The following CDCP2 variants were observed in gnomAD, a reference collection of about 807,000 sequenced individuals.
CDCP2 encodes CUB domain-containing protein 2.
A neutral mutation model predicts 31.0 loss-of-function variants in CDCP2; 31 were observed. The observed-to-expected ratio is 1.00, with a 90% CI of 0.75 to 1.35. CDCP2 has a LOEUF of 1.35. CDCP2 is among the 40% of genes most tolerant of loss of function. The probability of loss-of-function intolerance (pLI) is 0.00; values close to 1 mark genes in which losing one functional copy is unlikely to be tolerated. For missense variants in CDCP2, 443 were observed against 482.6 expected (o/e 0.92, Z 0.77); for synonymous variants, 206 against 207.9 (o/e 0.99, Z 0.08).
chr1:54,139,399 C>T (rs1281056984), intron 4 of CDCP2: 30 of 782,664 alleles, frequency 3.8e-5, no homozygotes, highest in Non-Finnish European at 6.1e-5. Flanking sequence ...ATTTTTTTGC[C>T]ATAAACAATA....
At chr1:54,145,353 G>A (rs1659449397) in intron 1 of CDCP2, among the ~76,000 whole-genome samples, 1 of 152,190 alleles carries the variant, frequency 6.6e-6, no homozygotes, top group Non-Finnish European at 1.5e-5. Context: ...TTGCACCCGG[G>A]AGGCGGAGGT....
chr1:54,147,952 C>T (rs1659504351), intron 1 of CDCP2, among the ~76,000 whole-genome samples: 1 of 149,064 alleles, frequency 6.7e-6, no homozygotes, highest in African/African-American at 2.5e-5. Context: ...GTCAAGGCTA[C>T]AGTGACCCAT....
Position 54,145,051 on chromosome 1 carries a change from GAAACA to G in CDCP2, c.80-243_80-239del, listed in dbSNP as rs576980808. On this transcript the variant is annotated intron_variant, in intron 1 of 5. Coordinates refer to ENST00000530059, the Ensembl canonical transcript of CDCP2. ...TGTTCTAGGTGCTGGGGTCACAGCA[GAAACA>G]AAACAGACAAAACCCCTACCCTCAT... Among the ~76,000 whole-genome samples the G allele has an allele frequency of 4.6e-5, 7 of 152,302 alleles. No individual in the cohort carries two copies. The South Asian group carries it at 1.5e-3, about 32-fold the overall frequency.
chr1:54,134,081 C>G (rs1452663957), intron 5 of CDCP2, among the ~76,000 whole-genome samples: 1 of 152,086 alleles, frequency 6.6e-6, no homozygotes, highest in Non-Finnish European at 1.5e-5. Flanking sequence ...GAATATAGAA[C>G]CAAAGGGGGC....
intron 5 of CDCP2, among the ~76,000 whole-genome samples, chr1:54,134,796 C>T (rs1016898189): frequency 6.6e-6 from 1 of 151,794 alleles, no homozygotes; most frequent in African/African-American, 2.4e-5. Context: ...AGTGTAGTGG[C>T]ATGATCTTGG....
intron 5 of CDCP2, 69 bp from the exon 6 acceptor site, chr1:54,133,363 G>C: frequency 2.5e-6 from 1 of 398,258 alleles, no homozygotes; most frequent in East Asian, 3.6e-5. Context: ...TATATATGTG[G>C]GGTTCTCAGT....
chr1:54,152,725 A>G, intron 1 of CDCP2, 119 bp downstream of exon 1: 1 of 847,438 alleles, frequency 1.2e-6, no homozygotes, highest in South Asian at 1.7e-5. Flanking sequence ...CAACTCAGCC[A>G]CGTCCCCTAA....
exon 2 of CDCP2, chr1:54,144,486 A>G: frequency 6.3e-7 from 1 of 1,580,736 alleles, no homozygotes; most frequent in Non-Finnish European, 8.6e-7. Flanking sequence ...GCCCGCAGAA[A>G]AGCCATGGCT....
chr1:54,152,796 G>T, intron 1 of CDCP2, 48 bp downstream of exon 1: 1 of 1,552,594 alleles, frequency 6.4e-7, no homozygotes. Flanking sequence ...GCTGTTGCCT[G>T]CCCACCTCCT....
Position 54,141,442 on chromosome 1 carries a change from G to A in CDCP2, c.428-9C>T. ...GACGCCGCCACACACATCTGCAAGG[G>A]AGCCCACTTGAGCTGACCTTTCTTT... On this transcript the variant is annotated splice_polypyrimidine_tract_variant and intron_variant, in intron 2 of 5. Coordinates refer to ENST00000530059, the Ensembl canonical transcript of CDCP2. 1.3e-6 allele frequency: 2 copies of A among 1,573,870 alleles called. No homozygotes were observed. Among genetic ancestry groups the A allele is most frequent in the Non-Finnish European group, 1.7e-6 (2 of 1,158,806 alleles).
chr1:54,139,526 G>A, intron 4 of CDCP2: 1 of 1,612,966 alleles, frequency 6.2e-7, no homozygotes, highest in Non-Finnish European at 8.5e-7. Flanking sequence ...GAAGTTAGAA[G>A]CTGGGGAAGG....
chr1:54,137,689 G>C (rs1659281749), intron 4 of CDCP2: 1 of 140,724 alleles, frequency 7.1e-6, no homozygotes, highest in African/African-American at 2.6e-5. Flanking sequence ...GTGTGCGTGT[G>C]TGTGTGTGTG....
exon 4 of CDCP2, chr1:54,139,784 G>T: frequency 6.2e-7 from 1 of 1,614,246 alleles, no homozygotes; most frequent in South Asian, 1.1e-5. Flanking sequence ...AGCCCCTGCG[G>T]GTGGTGCTGC....
chr1:54,141,063 A>C lies in CDCP2; in HGVS notation c.763+35T>G, dbSNP rs757493061. ...GGGGAGACAGGAGCCCAGTAGGCAC[A>C]GGAGGATTCAGGGTGGAGCGCCAGC... is the stretch of plus-strand genomic sequence containing the variant. On this transcript the variant is annotated intron_variant, in intron 3 of 5. Transcript: ENST00000530059. The C allele has an allele frequency of 2.0e-6, 3 of 1,496,858 alleles. No homozygotes were observed. In the African/African-American group the frequency reaches 4.2e-5, roughly 21 times the overall value. 92.7% of individuals were successfully genotyped at this position (1,496,858 alleles called of 1,614,324 possible).
intron 1 of CDCP2, among the ~76,000 whole-genome samples, chr1:54,148,362 GA>G (rs1226140533): frequency 1.7e-5 from 2 of 118,528 alleles, no homozygotes; most frequent in African/African-American, 3.3e-5. Flanking sequence ...TAAAAAAAAA[GA>G]AAAAAAGAAA....
intron 4 of CDCP2, chr1:54,139,491 C>CTGGGG (rs1344075312): frequency 1.2e-5 from 19 of 1,576,516 alleles, no homozygotes; most frequent in Non-Finnish European, 1.6e-5. Context: ...GGGAAGGAAC[C>CTGGGG]AGATGGGGAG....
chr1:54,152,417 T>A (rs547222730), intron 1 of CDCP2, among the ~76,000 whole-genome samples: 1 of 149,032 alleles, frequency 6.7e-6, no homozygotes, highest in Non-Finnish European at 1.5e-5. Context: ...TGAGCTGAAA[T>A]AGGGCCACTG....
exon 2 of CDCP2, chr1:54,144,653 G>A (rs371983495): frequency 2.1e-5 from 34 of 1,614,070 alleles, no homozygotes; most frequent in Middle Eastern, 1.6e-4. Flanking sequence ...TGCAGGTGTC[G>A]TGGTACTCTA....
intron 3 of CDCP2, 86 bp from the exon 4 acceptor site, chr1:54,140,192 G>T: frequency 7.6e-7 from 1 of 1,317,110 alleles, no homozygotes; most frequent in Non-Finnish European, 1.1e-6. Flanking sequence ...GGCAGCAGGT[G>T]CCACAGTGGT....
Sources: gnomAD v4.1 joint callset for allele counts (sites outside exome capture counted in the v4.1 genomes callset) on GRCh38, gnomAD v4.1.1 for gene constraint, MANE v1.5 for transcripts, NCBI Gene and HGNC (gene_info 2026-07-23, HGNC 2026-07-21) for gene names.